Variants in RNF150 observed in about 807,000 individuals in gnomAD.
RNF150 encodes ring finger protein 150.
Under a neutral mutation model 39.3 loss-of-function variants are expected in RNF150, and 24 were observed. The ratio of observed to expected loss-of-function variants is 0.61; its 90% CI spans 0.44 to 0.86. RNF150 has a LOEUF of 0.86. Among genes scored for constraint, RNF150 ranks in the 40% least tolerant of loss-of-function variants. RNF150 has a pLI of 0.00. For synonymous variants in RNF150, 255 were observed against 227.3 expected (o/e 1.12, Z -1.10); for missense variants, 502 against 587.8 (o/e 0.85, Z 1.51).
rs527566419 is a variant in RNF150 at position 140,981,719 on chromosome 4, G to A, written c.485-13846C>T. Among the ~76,000 whole-genome samples the A allele has an allele frequency of 1.4e-4, 21 of 152,270 alleles. No homozygotes were observed. The East Asian group carries it at 3.3e-3, about 24-fold the overall frequency. On this transcript the variant is annotated intron_variant, in intron 1 of 6. Coordinates refer to ENST00000515673, the MANE Select transcript of RNF150 (RefSeq NM_020724.2). ...GACTTTGGTCTCCACCTGTGATGCT[G>A]TGTTTTGTTTAAAAGGTTATAGTGC...
At chr4:141,108,076 G>A (rs1739270191) in intron 1 of RNF150, among the ~76,000 whole-genome samples, 1 of 152,136 alleles carries the variant, frequency 6.6e-6, no homozygotes, top group Non-Finnish European at 1.5e-5. Context: ...TGGAGATGTC[G>A]CAGTTCCCTC....
intron 6 of RNF150, among the ~76,000 whole-genome samples, chr4:140,909,492 A>G (rs1458289280): frequency 6.6e-6 from 1 of 152,132 alleles, no homozygotes; most frequent in Non-Finnish European, 1.5e-5. Context: ...TTCTTGAGCC[A>G]CTTTATTTAA....
At chr4:141,045,597 G>A (rs775326047) in intron 1 of RNF150, among the ~76,000 whole-genome samples, 4 of 152,136 alleles carry the variant, frequency 2.6e-5, no homozygotes, top group Non-Finnish European at 4.4e-5. Context: ...AGGCTGGAAT[G>A]CAGTGGCGTG....
intron 2 of RNF150, among the ~76,000 whole-genome samples, chr4:140,961,748 T>C (rs1293247486): frequency 2.0e-5 from 3 of 152,104 alleles, no homozygotes; most frequent in East Asian, 3.9e-4. Context: ...AGTGACCCTA[T>C]GGTAGCATCC....
At chr4:140,870,998 CTCTCTATA>C (rs1288007069) in intron 6 of RNF150, among the ~76,000 whole-genome samples, 12 of 143,604 alleles carry the variant, frequency 8.4e-5, no homozygotes, top group South Asian at 6.8e-4. Flanking sequence ...CTCTCTCTCT[CTCTCTATA>C]TATATATATA....
intron 4 of RNF150, among the ~76,000 whole-genome samples, chr4:140,927,641 T>G (rs925939863): frequency 2.2e-4 from 23 of 104,898 alleles, no homozygotes; most frequent in African/African-American, 7.6e-4. Context: ...ACCTCTTGTT[T>G]TTTTGTTTCT....
intron 4 of RNF150, among the ~76,000 whole-genome samples, chr4:140,941,365 T>A (rs1267103279): frequency 1.3e-5 from 2 of 152,184 alleles, no homozygotes; most frequent in Non-Finnish European, 2.9e-5. Flanking sequence ...TAATCTCCAA[T>A]AAAAACAATG....
intron 1 of RNF150, among the ~76,000 whole-genome samples, chr4:140,976,481 T>C (rs1733669529): frequency 6.6e-6 from 1 of 151,934 alleles, no homozygotes; most frequent in African/African-American, 2.4e-5. Context: ...CCTGTTGACC[T>C]TTGCCTCCAT....
At chr4:141,029,171 A>T (rs1324267492) in intron 1 of RNF150, among the ~76,000 whole-genome samples, 1 of 152,202 alleles carries the variant, frequency 6.6e-6, no homozygotes, top group African/African-American at 2.4e-5. Context: ...TTAAAACTAC[A>T]GATTGCACAT....
At chr4:141,190,380 T>A (rs900362712) in intron 1 of RNF150, among the ~76,000 whole-genome samples, 1 of 152,204 alleles carries the variant, frequency 6.6e-6, no homozygotes, top group Non-Finnish European at 1.5e-5. Context: ...AGTCTTCTCC[T>A]GGCTTTGAAA....
chr4:141,095,609 C>A (rs1296694206), intron 1 of RNF150, among the ~76,000 whole-genome samples: 2 of 152,246 alleles, frequency 1.3e-5, no homozygotes, highest in East Asian at 1.9e-4. Context: ...TGGTTGCATA[C>A]AATTTGCATA....
intron 1 of RNF150, among the ~76,000 whole-genome samples, chr4:140,979,284 G>A (rs1733776239): frequency 6.6e-6 from 1 of 152,076 alleles, no homozygotes. Context: ...TCACAGTATA[G>A]GAGACTATGA....
At chr4:141,042,032 T>G (rs72937372) in intron 1 of RNF150, among the ~76,000 whole-genome samples, 1 of 152,026 alleles carries the variant, frequency 6.6e-6, no homozygotes, top group African/African-American at 2.4e-5. Flanking sequence ...GATGACTATT[T>G]TCTCAATGAA....
intron 4 of RNF150, among the ~76,000 whole-genome samples, chr4:140,941,115 G>A (rs960750516): frequency 6.6e-6 from 1 of 152,114 alleles, no homozygotes; most frequent in African/African-American, 2.4e-5. Context: ...AGTAAGAGAT[G>A]GGGCTAAAAA....
chr4:140,988,099 A>AGGCCGGGCGCGG (rs1734071286), intron 1 of RNF150, among the ~76,000 whole-genome samples: 1 of 152,190 alleles, frequency 6.6e-6, no homozygotes, highest in African/African-American at 2.4e-5. Flanking sequence ...AAGTCAAAAA[A>AGGCCGGGCGCGG]TAACAGATTC....
chr4:140,937,019 C>A (rs1731887646), intron 4 of RNF150, among the ~76,000 whole-genome samples: 1 of 152,128 alleles, frequency 6.6e-6, no homozygotes, highest in Non-Finnish European at 1.5e-5. Flanking sequence ...TCATTACCAC[C>A]TTTCAGGAAA....
intron 1 of RNF150, among the ~76,000 whole-genome samples, chr4:141,206,414 A>AAT (rs1274476808): frequency 7.9e-6 from 1 of 127,226 alleles, no homozygotes; most frequent in Non-Finnish European, 1.7e-5. Context: ...AATGAGACTC[A>AAT]ATCTCAAAAA....
intron 1 of RNF150, among the ~76,000 whole-genome samples, chr4:141,003,685 C>G (rs1734758902): frequency 1.3e-5 from 2 of 151,990 alleles, no homozygotes; most frequent in South Asian, 2.1e-4. Flanking sequence ...ATCTACTGAT[C>G]ATGTGAGAGA....
At chr4:141,068,144 C>A (rs796602595) in intron 1 of RNF150, among the ~76,000 whole-genome samples, 4 of 152,188 alleles carry the variant, frequency 2.6e-5, no homozygotes, top group African/African-American at 9.6e-5. Flanking sequence ...TGGGGTTCAC[C>A]ATGTGGGACA....
Sources: gnomAD v4.1 joint callset for allele counts (sites outside exome capture counted in the v4.1 genomes callset) on GRCh38, gnomAD v4.1.1 for gene constraint, MANE v1.5 for transcripts, NCBI Gene and HGNC (gene_info 2026-07-23, HGNC 2026-07-21) for gene names.